Variants in WWOX observed in about 807,000 individuals in gnomAD.
WWOX encodes WW domain containing oxidoreductase.
Under a neutral mutation model 46.2 loss-of-function variants are expected in WWOX, and 69 were observed. That is an observed-to-expected ratio of 1.49 (90% CI 1.23 to 1.82). WWOX has a LOEUF of 1.82. Ranked by LOEUF, WWOX falls within the 40% of genes most tolerant of loss-of-function variation. WWOX has a pLI of 0.00. For missense variants in WWOX, 919 were observed against 542.6 expected (o/e 1.69, Z -6.89); for synonymous variants, 359 against 202.6 (o/e 1.77, Z -6.56).
chr16:78,421,415 C>T (rs1048742695), intron 6 of WWOX, among the ~76,000 whole-genome samples: 1 of 152,122 alleles, frequency 6.6e-6, no homozygotes, highest in Non-Finnish European at 1.5e-5. Context: ...TTCCTTCTCC[C>T]CTTCTGTTTT....
intron 8 of WWOX, among the ~76,000 whole-genome samples, chr16:79,007,722 G>A (rs1326248004): frequency 1.3e-5 from 2 of 152,214 alleles, no homozygotes; most frequent in Non-Finnish European, 2.9e-5. Context: ...GTATCATATA[G>A]CTGCTTAGCG....
chr16:78,586,967 C>G (rs139215724), intron 8 of WWOX, among the ~76,000 whole-genome samples: 8 of 152,228 alleles, frequency 5.3e-5, no homozygotes, highest in African/African-American at 1.7e-4. Flanking sequence ...TCTATAGCAT[C>G]TGAATTTGAA....
chr16:79,090,598 A>T (rs2048939984), intron 8 of WWOX, among the ~76,000 whole-genome samples: 1 of 152,142 alleles, frequency 6.6e-6, no homozygotes, highest in Non-Finnish European at 1.5e-5. Context: ...ACGATGCTGT[A>T]TGGCTCTAGA....
At chr16:78,777,345 T>C (rs143589516) in intron 8 of WWOX, among the ~76,000 whole-genome samples, 2 of 152,172 alleles carry the variant, frequency 1.3e-5, no homozygotes, top group Non-Finnish European at 2.9e-5. Flanking sequence ...AGTGGCCCCA[T>C]GTAGCTACTG....
chr16:78,429,900 A>G (rs2083177176), intron 7 of WWOX, among the ~76,000 whole-genome samples: 1 of 152,178 alleles, frequency 6.6e-6, no homozygotes, highest in African/African-American at 2.4e-5. Context: ...CCGTGGATGA[A>G]TCACCTTGAA....
intron 7 of WWOX, among the ~76,000 whole-genome samples, chr16:78,426,675 T>C (rs907875163): frequency 6.6e-6 from 1 of 152,114 alleles, no homozygotes; most frequent in African/African-American, 2.4e-5. Flanking sequence ...TTACTGTTAT[T>C]ATTATTTGAC....
At chr16:78,343,764 G>A (rs1213267251) in intron 5 of WWOX, among the ~76,000 whole-genome samples, 1 of 120,734 alleles carries the variant, frequency 8.3e-6, no homozygotes, top group East Asian at 1.9e-4. Context: ...TAAACTGGTG[G>A]ACATACCAAG....
At chr16:79,183,706 C>T (rs897420908) in intron 8 of WWOX, among the ~76,000 whole-genome samples, 6 of 152,160 alleles carry the variant, frequency 3.9e-5, no homozygotes, top group African/African-American at 1.4e-4. Flanking sequence ...ATACCCATTA[C>T]CTACGGAGGT....
At chr16:78,191,130 G>C (rs1216136005) in intron 5 of WWOX, among the ~76,000 whole-genome samples, 1 of 152,126 alleles carries the variant, frequency 6.6e-6, no homozygotes, top group East Asian at 1.9e-4. Context: ...TGGACCACTG[G>C]ATCCAGCTGG....
chr16:79,187,535 G>A (rs2051041579), intron 8 of WWOX, among the ~76,000 whole-genome samples: 2 of 152,204 alleles, frequency 1.3e-5, no homozygotes, highest in South Asian at 4.2e-4. Flanking sequence ...CAAGTAGCTG[G>A]GACTACAGGC....
intron 8 of WWOX, among the ~76,000 whole-genome samples, chr16:78,883,323 G>A (rs1487756875): frequency 6.6e-6 from 1 of 152,148 alleles, no homozygotes; most frequent in Non-Finnish European, 1.5e-5. Context: ...ATGCCATCCG[G>A]TGACATCCTG....
intron 8 of WWOX, among the ~76,000 whole-genome samples, chr16:78,991,081 T>C (rs2046878008): frequency 6.6e-6 from 1 of 152,190 alleles, no homozygotes; most frequent in Non-Finnish European, 1.5e-5. Flanking sequence ...ATGGCAGCCT[T>C]CAGCTTCCCA....
At position 79,070,495 on chromosome 16, in the gene WWOX, C is replaced by T. The variant is rs550237891; in HGVS notation, c.1057-141113C>T. On this transcript the variant is annotated intron_variant, in intron 8 of 8. Transcript: ENST00000566780. Reference sequence around the variant, plus strand: ...ACCACCGATGGAAAATTCTCATAGTCTGGAAGGGTGGAGCGTCTGCCTTCT... The same window carrying T: ...ACCACCGATGGAAAATTCTCATAGTTTGGAAGGGTGGAGCGTCTGCCTTCT... 2.0e-5 allele frequency among the ~76,000 whole-genome samples: 3 copies of T among 152,264 alleles called. No individual in the cohort carries two copies. In the South Asian group the frequency reaches 6.2e-4, roughly 32 times the overall value.
intron 8 of WWOX, among the ~76,000 whole-genome samples, chr16:78,647,869 C>G (rs1381875145): frequency 2.0e-5 from 3 of 151,360 alleles, no homozygotes; most frequent in Non-Finnish European, 1.5e-5. Flanking sequence ...CTCTTTTTTT[C>G]TCTCTCACTC....
rs557486964 is a variant in WWOX, at chr16:78,701,543, A to G, written c.1056+268791A>G. 1.0e-3 allele frequency among the ~76,000 whole-genome samples: 155 copies of G among 151,248 alleles called. 4 individuals are homozygous for G. In the South Asian group the frequency reaches 0.032, roughly 31 times the overall value. On this transcript the variant is annotated intron_variant, in intron 8 of 8. Transcript: ENST00000566780. ...CTACCTGTCTCTACTCCCTCTCCCTACTTTTCTCTTTTTCCCAGCCTCCCC... is the reference window on the plus strand; with the variant it reads ...CTACCTGTCTCTACTCCCTCTCCCTGCTTTTCTCTTTTTCCCAGCCTCCCC...
intron 8 of WWOX, among the ~76,000 whole-genome samples, chr16:78,667,532 G>A (rs902439529): frequency 1.3e-4 from 20 of 152,014 alleles, no homozygotes; most frequent in African/African-American, 4.1e-4. Context: ...TTAGCCAGGC[G>A]TGGTGGCAGG....
intron 5 of WWOX, among the ~76,000 whole-genome samples, chr16:78,363,146 TTGTGTGTGTG>T (rs60731117): frequency 4.0e-5 from 6 of 150,766 alleles, no homozygotes; most frequent in African/African-American, 1.5e-4. Context: ...GTGTATGTGT[TTGTGTGTGTG>T]TGTGTGTATG....
chr16:78,268,038 C>T (rs960272606), intron 5 of WWOX, among the ~76,000 whole-genome samples: 5 of 152,176 alleles, frequency 3.3e-5, no homozygotes, highest in Non-Finnish European at 5.9e-5. Flanking sequence ...AGGCTCATCT[C>T]GAACCCCTTG....
intron 8 of WWOX, among the ~76,000 whole-genome samples, chr16:78,479,901 T>A (rs2084446290): frequency 6.6e-6 from 1 of 152,108 alleles, no homozygotes; most frequent in African/African-American, 2.4e-5. Context: ...TGCCCCCTCC[T>A]GGGAAGGAGG....
Sources: gnomAD v4.1 joint callset for allele counts (sites outside exome capture counted in the v4.1 genomes callset) on GRCh38, gnomAD v4.1.1 for gene constraint, MANE v1.5 for transcripts, NCBI Gene and HGNC (gene_info 2026-07-23, HGNC 2026-07-21) for gene names.